MYO18B: variants seen among roughly 807,000 people sequenced by gnomAD.
MYO18B encodes unconventional myosin-XVIIIb.
MYO18B carries 204 observed loss-of-function variants against 273.0 expected under a neutral mutation model. That is an observed-to-expected ratio of 0.75 (90% CI 0.67 to 0.84). The LOEUF is 0.84. Ranked by LOEUF, MYO18B falls within the 40% of genes least tolerant of loss-of-function variation. The probability of loss-of-function intolerance (pLI) is 0.00; values close to 1 mark genes in which losing one functional copy is unlikely to be tolerated. For synonymous variants in MYO18B, 1,330 were observed against 1,305.7 expected (o/e 1.02, Z -0.40); for missense variants, 3,212 against 3,287.6 (o/e 0.98, Z 0.56).
chr22:25,886,072 T>G (rs1163471282), intron 25 of MYO18B, among the ~76,000 whole-genome samples: 2 of 152,230 alleles, frequency 1.3e-5, no homozygotes, highest in Non-Finnish European at 2.9e-5. Context: ...GCTGGTGTCC[T>G]TCGGTGAGCG....
intron 9 of MYO18B, among the ~76,000 whole-genome samples, chr22:25,780,590 C>CAAAAAAAAAA (rs59082074): frequency 6.1e-5 from 4 of 65,206 alleles, no homozygotes; most frequent in African/African-American, 1.9e-4. Context: ...AACTCCATCT[C>CAAAAAAAAAA]AAAAAAAAAA....
chr22:25,846,382 C>T (rs2090246740), intron 19 of MYO18B, 99 bp downstream of exon 19: 1 of 1,335,520 alleles, frequency 7.5e-7, no homozygotes, highest in Non-Finnish European at 1.0e-6. Context: ...CTAACCTCCC[C>T]AGCAAGGCCA....
At chr22:25,891,487 G>A in intron 27 of MYO18B, 75 bp downstream of exon 27, 1 of 1,032,280 alleles carries the variant, frequency 9.7e-7, no homozygotes, top group Non-Finnish European at 1.5e-6. Flanking sequence ...GTCACTCATA[G>A]AGCACTTTTT....
chr22:25,970,389 A>G (rs1212519955), intron 39 of MYO18B, among the ~76,000 whole-genome samples: 2 of 152,150 alleles, frequency 1.3e-5, no homozygotes, highest in Non-Finnish European at 2.9e-5. Context: ...CAAATGCAGT[A>G]TACCCCACCT....
intron 34 of MYO18B, among the ~76,000 whole-genome samples, chr22:25,927,584 A>ATCT (rs1169213222): frequency 6.6e-6 from 1 of 152,148 alleles, no homozygotes; most frequent in Non-Finnish European, 1.5e-5. Context: ...TGGTCCTGTG[A>ATCT]TCTTGCCCTG....
intron 22 of MYO18B, among the ~76,000 whole-genome samples, chr22:25,869,010 A>ACCC (rs1569131409): frequency 6.6e-6 from 1 of 151,982 alleles, no homozygotes; most frequent in Non-Finnish European, 1.5e-5. Context: ...TGACTGTGGA[A>ACCC]CCCCCAGCCT....
chr22:25,901,924 C>T (rs2091945657), intron 29 of MYO18B, among the ~76,000 whole-genome samples: 1 of 151,430 alleles, frequency 6.6e-6, no homozygotes. Flanking sequence ...GGGATCCTCC[C>T]ACCTCAGCCT....
intron 25 of MYO18B, chr22:25,884,795 A>T (rs897688153): frequency 6.6e-6 from 1 of 152,188 alleles, no homozygotes; most frequent in Non-Finnish European, 1.5e-5. Flanking sequence ...TCATTGCTAC[A>T]AGATTGTGGG....
chr22:26,032,008 C>T (rs973811503), downstream of MYO18B, among the ~76,000 whole-genome samples: 2 of 152,204 alleles, frequency 1.3e-5, no homozygotes, highest in Non-Finnish European at 2.9e-5. Flanking sequence ...CCCAAAAGCT[C>T]GCCAACACTT....
chr22:25,947,674 C>A (rs558116378), intron 35 of MYO18B, 38 bp from the exon 36 acceptor site: 65 of 1,544,050 alleles, frequency 4.2e-5, no homozygotes, highest in South Asian at 2.7e-4. Flanking sequence ...ATCCCTCACC[C>A]TCTCACCTTG....
intron 1 of MYO18B, among the ~76,000 whole-genome samples, chr22:25,755,750 T>C (rs1242092405): frequency 6.6e-6 from 1 of 152,110 alleles, no homozygotes; most frequent in Non-Finnish European, 1.5e-5. Flanking sequence ...CTCCTCCCTC[T>C]CTCTGTCTCT....
intron 12 of MYO18B, among the ~76,000 whole-genome samples, chr22:25,802,676 C>A (rs2088258764): frequency 6.7e-6 from 1 of 150,096 alleles, no homozygotes; most frequent in African/African-American, 2.5e-5. Context: ...TGGCGTGAAC[C>A]CGGGAGGCAG....
intron 34 of MYO18B, among the ~76,000 whole-genome samples, chr22:25,925,541 C>G (rs1221903270): frequency 6.6e-6 from 1 of 152,048 alleles, no homozygotes. Flanking sequence ...TTTTCTAAAG[C>G]GAAGCATCAT....
chr22:25,994,333 A>G (rs1223018808), intron 40 of MYO18B, among the ~76,000 whole-genome samples: 1 of 152,204 alleles, frequency 6.6e-6, no homozygotes. Context: ...TTAGCCAGAC[A>G]TGGTGGCCTG....
At chr22:25,757,550 A>C (rs1033843524) in intron 1 of MYO18B, among the ~76,000 whole-genome samples, 1 of 151,788 alleles carries the variant, frequency 6.6e-6, no homozygotes, top group East Asian at 1.9e-4. Context: ...CCGTGCCATT[A>C]TACTCCAGCC....
rs760076483 is a variant in MYO18B at position 25,910,528 on chromosome 22, A to C, written c.5260-418A>C. On this transcript the variant is annotated intron_variant, in intron 32 of 43. Transcript: ENST00000335473. ...TATAACACCAAAAAATCTCAAATGC[A>C]ACTTTTTTACTGCATCATTGTGTAT... Among the ~76,000 whole-genome samples, 18 of 152,322 alleles carry C rather than the reference A, an allele frequency of 1.2e-4. 1 individual carries two copies. In the Middle Eastern group the frequency reaches 0.01, roughly 86 times the overall value.
intron 3 of MYO18B, among the ~76,000 whole-genome samples, chr22:25,764,511 TC>T (rs1403447134): frequency 1.3e-5 from 2 of 152,220 alleles, no homozygotes; most frequent in Non-Finnish European, 2.9e-5. Flanking sequence ...TCCTGACTCT[TC>T]CTTCCCCTCC....
intron 39 of MYO18B, among the ~76,000 whole-genome samples, chr22:25,985,574 C>T (rs1433613940): frequency 6.6e-6 from 1 of 152,116 alleles, no homozygotes; most frequent in Non-Finnish European, 1.5e-5. Context: ...GATGCTCACT[C>T]CATTACCAGT....
intron 39 of MYO18B, among the ~76,000 whole-genome samples, chr22:25,967,684 C>T (rs377388260): frequency 1.5e-4 from 23 of 152,076 alleles, no homozygotes; most frequent in Admixed American, 1.2e-3. Context: ...TTGCAAGTGA[C>T]GGAAACAAAA....
Sources: gnomAD v4.1 joint callset for allele counts (sites outside exome capture counted in the v4.1 genomes callset) on GRCh38, gnomAD v4.1.1 for gene constraint, MANE v1.5 for transcripts, NCBI Gene and HGNC (gene_info 2026-07-23, HGNC 2026-07-21) for gene names.